Variants in MSN observed in about 807,000 individuals in gnomAD.
The protein encoded by MSN is moesin.
In MSN, 2 loss-of-function variants were observed where a neutral mutation model predicts 48.0. The ratio of observed to expected loss-of-function variants is 0.04; its 90% CI spans 0.02 to 0.13. The LOEUF (loss-of-function observed/expected upper bound fraction) is 0.13, where lower values mean the gene tolerates loss of function less well. Among genes scored for constraint, MSN ranks in the 10% least tolerant of loss-of-function variants. The pLI, the probability that MSN is intolerant of heterozygous loss-of-function variation, is 1.00. For missense variants in MSN, 267 were observed against 470.1 expected, an observed-to-expected ratio of 0.57 and a Z score of 3.99; for synonymous variants, 146 against 166.9, an observed-to-expected ratio of 0.87 and a Z score of 0.97.
chrX:65,716,927 T>A, intron 2 of MSN, 26 bp downstream of exon 2: 1 of 1,157,758 alleles, frequency 8.6e-7, no homozygotes, highest in Non-Finnish European at 1.2e-6. Context: ...CTTAGCCTCC[T>A]CTCCTTCTCT....
At chrX:65,669,690 G>A (rs991710244) in intron 1 of MSN, among the ~76,000 whole-genome samples, 2 of 110,783 alleles carry the variant, frequency 1.8e-5, no homozygotes, top group South Asian at 7.7e-4. Context: ...TTGATAGACT[G>A]GAAGTATTAG....
At chrX:65,616,240 A>G (rs1268152702) in intron 1 of MSN, among the ~76,000 whole-genome samples, 47 of 107,872 alleles carry the variant, frequency 4.4e-4, no homozygotes, top group Non-Finnish European at 8.6e-4. Context: ...CAATTCTGTG[A>G]AGAAAGTCAT....
chrX:65,731,092 C>T lies in MSN; in HGVS notation c.468-15C>T. On this transcript the variant is annotated splice_polypyrimidine_tract_variant and intron_variant, in intron 4 of 12. Coordinates refer to ENST00000360270, the MANE Select transcript of MSN (RefSeq NM_002444.3). ...CTTTGTGCTTTAAACTACTCATCACCCATTGTCTTTCCAGAGTCCTGGAAC... is the reference window on the plus strand; with the variant it reads ...CTTTGTGCTTTAAACTACTCATCACTCATTGTCTTTCCAGAGTCCTGGAAC... 1 of 1,187,498 alleles carries T rather than the reference C, an allele frequency of 8.4e-7. No homozygotes were observed. The highest frequency in any genetic ancestry group is 1.1e-6 in the Non-Finnish European group (1 of 879,009).
rs1223821276 is a variant in MSN at position 65,719,475 on chromosome X, G to A, written c.96+2574G>A. ...ATGCCTCACCTGAGTATGATCAGCT[G>A]CTGGCATATGTGAGGAGGTAGGGCT... is the stretch of plus-strand genomic sequence containing the variant. On this transcript the variant is annotated intron_variant, in intron 2 of 12. Transcript: ENST00000360270. 2.7e-5 allele frequency among the ~76,000 whole-genome samples: 3 copies of A among 111,901 alleles called. No individual in the cohort carries two copies. In the Admixed American group the frequency reaches 2.9e-4, roughly 11 times the overall value.
intron 1 of MSN, among the ~76,000 whole-genome samples, chrX:65,660,568 CTTTT>C (rs1294905291): frequency 1.1e-5 from 1 of 93,730 alleles, no homozygotes; most frequent in African/African-American, 3.9e-5. Context: ...TGTTCCAGTT[CTTTT>C]TTTTTTTTTT....
At chrX:65,637,200 C>T (rs1207321091) in intron 1 of MSN, among the ~76,000 whole-genome samples, 6 of 109,667 alleles carry the variant, frequency 5.5e-5, no homozygotes, top group Admixed American at 9.7e-5. Flanking sequence ...GTTGGGAGTT[C>T]GAGACCAGCG....
At chrX:65,616,612 A>G (rs2070374825) in intron 1 of MSN, among the ~76,000 whole-genome samples, 2 of 85,020 alleles carry the variant, frequency 2.4e-5, no homozygotes, top group Non-Finnish European at 2.3e-5. Context: ...TTGGGCTGAG[A>G]CAATGGGGTT....
intron 1 of MSN, among the ~76,000 whole-genome samples, chrX:65,619,246 C>T (rs963958043): frequency 1.9e-5 from 2 of 102,792 alleles, no homozygotes; most frequent in African/African-American, 4.0e-5. Context: ...TGAATCTGAA[C>T]GTTGGCCTGC....
chrX:65,601,191 C>A (rs188318543), intron 1 of MSN, among the ~76,000 whole-genome samples: 1 of 111,917 alleles, frequency 8.9e-6, no homozygotes, highest in South Asian at 3.7e-4. Context: ...CTCTGACCAA[C>A]GTGTGACTGG....
At chrX:65,641,555 TA>T (rs2070652171) in intron 1 of MSN, among the ~76,000 whole-genome samples, 1 of 8,542 alleles carries the variant, frequency 1.2e-4, no homozygotes, top group Non-Finnish European at 1.9e-4. Context: ...GTGAAGTATA[TA>T]TATATATATA....
intron 1 of MSN, among the ~76,000 whole-genome samples, chrX:65,642,728 A>G (rs2070666654): frequency 8.9e-6 from 1 of 111,829 alleles, no homozygotes; most frequent in Admixed American, 9.6e-5. Flanking sequence ...TGAGCTTCTC[A>G]TCACTGAAGG....
chrX:65,716,678 C>A, intron 1 of MSN, 140 bp from the exon 2 acceptor site: 1 of 503,148 alleles, frequency 2.0e-6, no homozygotes. Flanking sequence ...AATATTCTCC[C>A]TTCATCCCCA....
intron 1 of MSN, among the ~76,000 whole-genome samples, chrX:65,658,003 G>C (rs1473371181): frequency 8.9e-6 from 1 of 112,182 alleles, no homozygotes; most frequent in African/African-American, 3.2e-5. Context: ...TTACATTGAG[G>C]TTAGATATTG....
chrX:65,632,751 C>G (rs2070568555), intron 1 of MSN, among the ~76,000 whole-genome samples: 1 of 111,774 alleles, frequency 8.9e-6, no homozygotes. Context: ...TCTGGCACAG[C>G]TAGATAAATG....
chrX:65,605,768 T>C (rs1254082127), intron 1 of MSN, among the ~76,000 whole-genome samples: 1 of 111,367 alleles, frequency 9.0e-6, no homozygotes, highest in African/African-American at 3.3e-5. Flanking sequence ...CTCCTCTCCT[T>C]ACTAATCACC....
intron 1 of MSN, among the ~76,000 whole-genome samples, chrX:65,691,154 T>C (rs2071168499): frequency 8.9e-6 from 1 of 112,052 alleles, no homozygotes. Flanking sequence ...CCAAGAATTA[T>C]GTCTTTTTCC....
chrX:65,708,319 G>T lies in MSN; in HGVS notation c.13-8499G>T, dbSNP rs192947447. Reference sequence around the variant, plus strand: ...TTATCATTTCTTTTTGTGAGACAGGGTCTCACTATGTTGCCCAGGCTGGAG... The same window carrying T: ...TTATCATTTCTTTTTGTGAGACAGGTTCTCACTATGTTGCCCAGGCTGGAG... On this transcript the variant is annotated intron_variant, in intron 1 of 12. Transcript: ENST00000360270. Among the ~76,000 whole-genome samples, 349 of 112,286 alleles carry T rather than the reference G, an allele frequency of 3.1e-3. 1 individual carries two copies. The highest frequency in any genetic ancestry group is 3.5e-3 in the Non-Finnish European group (188 of 53,235).
chrX:65,725,988 A>G (rs1159758320), intron 2 of MSN, among the ~76,000 whole-genome samples: 1 of 112,144 alleles, frequency 8.9e-6, no homozygotes, highest in African/African-American at 3.2e-5. Context: ...TGCTACCTTG[A>G]TATCATACAG....
chrX:65,646,899 A>G (rs2070698435), intron 1 of MSN, among the ~76,000 whole-genome samples: 1 of 111,509 alleles, frequency 9.0e-6, no homozygotes, highest in African/African-American at 3.3e-5. Context: ...GTGAGCCGAG[A>G]TCGCACCATT....
Sources: gnomAD v4.1 joint callset for allele counts (sites outside exome capture counted in the v4.1 genomes callset) on GRCh38, gnomAD v4.1.1 for gene constraint, MANE v1.5 for transcripts, NCBI Gene and HGNC (gene_info 2026-07-23, HGNC 2026-07-21) for gene names.